The following CLSTN2 variants were observed in gnomAD, a reference collection of about 807,000 sequenced individuals.
CLSTN2 encodes calsyntenin 2.
Under a neutral mutation model 101.2 loss-of-function variants are expected in CLSTN2, and 48 were observed. The observed-to-expected ratio is 0.47, with a 90% CI of 0.38 to 0.60. The LOEUF is 0.60. Ranked by LOEUF, CLSTN2 falls within the 20% of genes least tolerant of loss-of-function variation. The pLI is 0.00. For missense variants in CLSTN2, 1,160 were observed against 1,238.2 expected (o/e 0.94, Z 0.95); for synonymous variants, 481 against 463.6 (o/e 1.04, Z -0.48).
rs1985751282 is a variant in CLSTN2, at chr3:140,577,021, C to T, written c.*10768C>T. 6.6e-6 allele frequency: 1 copy of T among 152,180 alleles called. No individual in the cohort carries two copies. The highest frequency in any genetic ancestry group is 1.5e-5 in the Non-Finnish European group (1 of 68,040). The allele number at this position is 152,180 out of a possible 1,614,324, so 9.4% of individuals were successfully genotyped here. ...AGGGTCAGAGAAAATGTCCTTTCCC[C>T]TCCCCACTCCTTTTCATAGAATCCT... On this transcript the variant is annotated 3_prime_UTR_variant, in exon 17 of 17. Coordinates refer to ENST00000458420, the MANE Select transcript of CLSTN2 (RefSeq NM_022131.3).
chr3:140,001,167 C>T (rs1178259488), intron 1 of CLSTN2, among the ~76,000 whole-genome samples: 2 of 152,166 alleles, frequency 1.3e-5, no homozygotes, highest in African/African-American at 2.4e-5. Flanking sequence ...AAGTTTGACT[C>T]AGGTCTTTCT....
At chr3:140,527,795 T>G (rs913037262) in intron 8 of CLSTN2, among the ~76,000 whole-genome samples, 4 of 152,170 alleles carry the variant, frequency 2.6e-5, no homozygotes, top group Non-Finnish European at 5.9e-5. Flanking sequence ...AAGGCCATTA[T>G]TCTAAGCAAA....
At chr3:140,443,468 G>C (rs1299622000) in intron 5 of CLSTN2, among the ~76,000 whole-genome samples, 2 of 152,200 alleles carry the variant, frequency 1.3e-5, no homozygotes, top group African/African-American at 2.4e-5. Context: ...TGTAGAGGTA[G>C]TTATAATAAA....
At chr3:140,256,644 C>G (rs1040124901) in intron 2 of CLSTN2, among the ~76,000 whole-genome samples, 2 of 152,204 alleles carry the variant, frequency 1.3e-5, no homozygotes, top group African/African-American at 4.8e-5. Flanking sequence ...CATATTTGGA[C>G]CTGACATTCT....
At chr3:140,048,744 C>A (rs1229693981) in intron 1 of CLSTN2, among the ~76,000 whole-genome samples, 4 of 152,100 alleles carry the variant, frequency 2.6e-5, no homozygotes, top group African/African-American at 9.7e-5. Flanking sequence ...AGCCTCAGGG[C>A]AAGCTGGAGA....
chr3:140,021,447 C>T (rs959598530), intron 1 of CLSTN2, among the ~76,000 whole-genome samples: 5 of 152,200 alleles, frequency 3.3e-5, no homozygotes, highest in African/African-American at 1.2e-4. Flanking sequence ...GCCAGGCATG[C>T]ATCATCCTAT....
chr3:140,278,004 T>C (rs892742454), intron 2 of CLSTN2, among the ~76,000 whole-genome samples: 2 of 152,202 alleles, frequency 1.3e-5, no homozygotes, highest in Non-Finnish European at 2.9e-5. Flanking sequence ...GATATTCTCC[T>C]TAAAGACCGG....
intron 1 of CLSTN2, among the ~76,000 whole-genome samples, chr3:140,090,849 G>T (rs1187186958): frequency 6.6e-6 from 1 of 152,174 alleles, no homozygotes; most frequent in African/African-American, 2.4e-5. Flanking sequence ...GCAGGAAAGG[G>T]TACTACTGGT....
intron 1 of CLSTN2, among the ~76,000 whole-genome samples, chr3:140,090,839 G>T (rs1475817520): frequency 6.6e-6 from 1 of 152,106 alleles, no homozygotes; most frequent in Non-Finnish European, 1.5e-5. Context: ...GTGTACGGGG[G>T]CAGGAAAGGG....
chr3:140,200,025 G>A (rs533398640), intron 2 of CLSTN2, among the ~76,000 whole-genome samples: 15 of 152,248 alleles, frequency 9.9e-5, no homozygotes, highest in South Asian at 6.2e-4. Context: ...CTGGTGGCTC[G>A]CTGGGTACCT....
chr3:140,254,748 C>T (rs1416951558), intron 2 of CLSTN2, among the ~76,000 whole-genome samples: 1 of 152,096 alleles, frequency 6.6e-6, no homozygotes, highest in Non-Finnish European at 1.5e-5. Context: ...CTAGGAAATA[C>T]CATTTAGGAC....
chr3:140,395,642 T>G (rs1383019), intron 2 of CLSTN2, among the ~76,000 whole-genome samples: 13,128 of 152,294 alleles, frequency 0.086, 683 homozygotes, highest in African/African-American at 0.13. Context: ...GTGGGAGGGT[T>G]TAAACTCAAT....
intron 10 of CLSTN2, among the ~76,000 whole-genome samples, chr3:140,550,745 G>T (rs948145676): frequency 5.3e-5 from 8 of 151,498 alleles, no homozygotes; most frequent in African/African-American, 2.0e-4. Flanking sequence ...AAAAGAGGAG[G>T]TGCTAAAATA....
chr3:139,991,380 C>T (rs1024795786), intron 1 of CLSTN2, among the ~76,000 whole-genome samples: 2 of 152,114 alleles, frequency 1.3e-5, no homozygotes, highest in Non-Finnish European at 2.9e-5. Context: ...AACTATAAGA[C>T]AGTTATTACT....
In CLSTN2 at chr3:140,547,608, G is replaced by A. The variant is rs114235181; in HGVS notation, c.1674+927G>A. On this transcript the variant is annotated intron_variant, in intron 10 of 16. Transcript: ENST00000458420. Reference sequence around the variant, plus strand: ...GCTTCTTCTGACTGAAGCTTCTCTCGTTCTCTCATTTGAGAGAAGCTCCTC... The same window carrying A: ...GCTTCTTCTGACTGAAGCTTCTCTCATTCTCTCATTTGAGAGAAGCTCCTC... Among the ~76,000 whole-genome samples the A allele has an allele frequency of 7.9e-3, 1,203 of 152,256 alleles. 7 individuals carry two copies. Among genetic ancestry groups the A allele is most frequent in the Middle Eastern group, 0.017 (5 of 294 alleles).
chr3:140,127,417 T>G, intron 1 of CLSTN2, among the ~76,000 whole-genome samples: 1 of 152,164 alleles, frequency 6.6e-6, no homozygotes, highest in Non-Finnish European at 1.5e-5. Flanking sequence ...TCTTAATACA[T>G]TTTAGGTTTA....
intron 1 of CLSTN2, among the ~76,000 whole-genome samples, chr3:140,151,749 C>T (rs1033771491): frequency 2.0e-5 from 3 of 152,160 alleles, no homozygotes; most frequent in Non-Finnish European, 2.9e-5. Context: ...TGATCTAAAG[C>T]CAAATAGCTA....
intron 12 of CLSTN2, among the ~76,000 whole-genome samples, chr3:140,559,973 T>TG (rs1268762749): frequency 3.3e-5 from 5 of 152,210 alleles, no homozygotes; most frequent in Admixed American, 6.5e-5. Flanking sequence ...TTCTCATTTG[T>TG]GGCTAAAATC....
intron 1 of CLSTN2, among the ~76,000 whole-genome samples, chr3:140,152,259 A>G (rs1474125270): frequency 6.6e-6 from 1 of 151,912 alleles, no homozygotes; most frequent in Non-Finnish European, 1.5e-5. Flanking sequence ...CACACACTAG[A>G]TCATCTCTTT....
Sources: allele counts gnomAD v4.1 joint callset (sites outside exome capture counted in the v4.1 genomes callset), GRCh38; gene constraint gnomAD v4.1.1; transcripts MANE v1.5; gene names NCBI Gene and HGNC (gene_info 2026-07-23, HGNC 2026-07-21).